RAPGEF2: variants seen among roughly 807,000 people sequenced by gnomAD.
RAPGEF2 encodes the protein PDZ domain containing guanine nucleotide exchange factor (GEF) 1.
In RAPGEF2, 54 loss-of-function variants were observed where a neutral mutation model predicts 186.7. The observed-to-expected ratio is 0.29, with a 90% CI of 0.23 to 0.36. The LOEUF is 0.36. Among genes scored for constraint, RAPGEF2 ranks in the 10% least tolerant of loss-of-function variants. The pLI, the probability that RAPGEF2 is intolerant of heterozygous loss-of-function variation, is 1.00. For missense variants in RAPGEF2, 1,532 were observed against 2,045.0 expected (o/e 0.75, Z 4.84); for synonymous variants, 712 against 705.9 (o/e 1.01, Z -0.14).
At chr4:159,320,783 C>G (rs1051266189) in intron 9 of RAPGEF2, among the ~76,000 whole-genome samples, 1 of 151,408 alleles carries the variant, frequency 6.6e-6, no homozygotes, top group Non-Finnish European at 1.5e-5. Context: ...TAAACTATAT[C>G]CAAGAACATA....
At chr4:159,231,176 T>G (rs927789660) in intron 4 of RAPGEF2, among the ~76,000 whole-genome samples, 1 of 152,120 alleles carries the variant, frequency 6.6e-6, no homozygotes, top group Non-Finnish European at 1.5e-5. Context: ...GTAACATTCT[T>G]TATGGGTTTG....
intron 7 of RAPGEF2, among the ~76,000 whole-genome samples, chr4:159,248,428 A>C (rs1459705995): frequency 6.6e-6 from 1 of 152,182 alleles, no homozygotes; most frequent in Non-Finnish European, 1.5e-5. Flanking sequence ...TGGTGTCAAA[A>C]GTATCCTTTG....
chr4:159,139,339 C>T (rs62337446), intron 1 of RAPGEF2, among the ~76,000 whole-genome samples: 55,671 of 151,998 alleles, frequency 0.37, 10,243 homozygotes, highest in African/African-American at 0.38. Context: ...TAAGTGTTTC[C>T]ATTAAAAGGA....
intron 1 of RAPGEF2, among the ~76,000 whole-genome samples, chr4:159,177,402 A>G (rs891501420): frequency 2.0e-5 from 3 of 152,282 alleles, no homozygotes; most frequent in Non-Finnish European, 4.4e-5. Context: ...TTGCCATGAA[A>G]CTATCAGTAC....
rs370973794 is a variant in RAPGEF2 at position 159,298,341 on chromosome 4, G to T, written c.544-6001G>T. Reference sequence around the variant, plus strand: ...TATGAAGACTTCAAGGATGGGTGTTGTATCTAGGGTATATATAAAGGGGTT... The same window carrying T: ...TATGAAGACTTCAAGGATGGGTGTTTTATCTAGGGTATATATAAAGGGGTT... On this transcript the variant is annotated intron_variant, in intron 7 of 29. Coordinates refer to ENST00000691494, the MANE Select transcript of RAPGEF2 (RefSeq NM_001394067.2). 4.6e-5 allele frequency among the ~76,000 whole-genome samples: 7 copies of T among 152,242 alleles called. No individual in the cohort carries two copies. In the East Asian group the frequency reaches 9.7e-4, roughly 21 times the overall value.
chr4:159,358,082 T>G (rs1164439295), intron 29 of RAPGEF2, 32 bp from the exon 30 acceptor site: 1 of 1,607,212 alleles, frequency 6.2e-7, no homozygotes, highest in African/African-American at 1.3e-5. Context: ...GCTTGCTCAT[T>G]GATTTCTTTT....
intron 25 of RAPGEF2, 67 bp from the exon 26 acceptor site, chr4:159,350,070 A>G: frequency 9.4e-6 from 11 of 1,167,652 alleles, no homozygotes; most frequent in Non-Finnish European, 1.3e-5. Context: ...AAAGTTTTTT[A>G]TTCATAAATG....
intron 4 of RAPGEF2, among the ~76,000 whole-genome samples, chr4:159,223,057 G>T (rs1222688815): frequency 6.6e-6 from 1 of 151,840 alleles, no homozygotes; most frequent in Non-Finnish European, 1.5e-5. Flanking sequence ...TAATAGTGAA[G>T]GAATAGCTTA....
At chr4:159,290,813 G>A (rs768922980) in intron 7 of RAPGEF2, among the ~76,000 whole-genome samples, 1 of 152,012 alleles carries the variant, frequency 6.6e-6, no homozygotes, top group African/African-American at 2.4e-5. Flanking sequence ...CAGTTTATGA[G>A]TATATATTCC....
At chr4:159,137,719 A>AAAC (rs1257182052) in intron 1 of RAPGEF2, among the ~76,000 whole-genome samples, 1 of 151,734 alleles carries the variant, frequency 6.6e-6, no homozygotes, top group Non-Finnish European at 1.5e-5. Context: ...CAAAAAAAAA[A>AAAC]AAAAAAACCT....
intron 1 of RAPGEF2, among the ~76,000 whole-genome samples, chr4:159,177,766 T>A (rs1219979639): frequency 1.3e-5 from 2 of 152,352 alleles, no homozygotes; most frequent in East Asian, 3.9e-4. Context: ...AGATGTGAAT[T>A]TGAGCATTGG....
In RAPGEF2 at chr4:159,353,915, G is replaced by A; in HGVS notation, c.4520G>A (p.Arg1507Gln). 2 of 1,614,200 alleles carry A rather than the reference G, an allele frequency of 1.2e-6. No individual in the cohort carries two copies. The highest frequency in any genetic ancestry group is 1.7e-6 in the Non-Finnish European group (2 of 1,180,034). The part of the protein sequence containing the change: ...DSEGDTGTIK[R>Q]RGGKDVSIEA... Reference sequence around the variant, plus strand: ...GAAGGTGACACAGGCACAATAAAGCGGAGGGGTGGAAAGGATGTTTCCATT... The same window carrying A: ...GAAGGTGACACAGGCACAATAAAGCAGAGGGGTGGAAAGGATGTTTCCATT... Residue 1507 changes from arginine to glutamine, a missense_variant, in exon 28 of 30, where the codon CGG (arginine) becomes CAG (glutamine). Around this residue, in one of 4 missense-constraint regions of RAPGEF2, gnomAD observed 594 missense variants for 608.5 expected, o/e 0.98. Coordinates refer to ENST00000691494, the MANE Select transcript of RAPGEF2 (RefSeq NM_001394067.2). The surrounding 1 kb of genome is among the most constrained non-coding windows in gnomAD (Gnocchi z 4.3).
chr4:159,233,061 T>C (rs916071017), intron 4 of RAPGEF2, among the ~76,000 whole-genome samples: 5 of 152,240 alleles, frequency 3.3e-5, no homozygotes, highest in Non-Finnish European at 7.3e-5. Context: ...ATATTGAATC[T>C]TTATCAGATA....
intron 7 of RAPGEF2, among the ~76,000 whole-genome samples, chr4:159,301,460 T>TAC (rs1011054038): frequency 1.3e-5 from 2 of 152,238 alleles, no homozygotes; most frequent in Admixed American, 6.5e-5. Context: ...CATCTATTCT[T>TAC]ACATATCTCA....
intron 17 of RAPGEF2, 44 bp from the exon 18 acceptor site, chr4:159,338,267 C>T (rs1324079404): frequency 1.2e-5 from 18 of 1,562,808 alleles, no homozygotes; most frequent in Middle Eastern, 1.7e-4. Flanking sequence ...TGATGTACAA[C>T]TTTTTAACTT....
intron 1 of RAPGEF2, among the ~76,000 whole-genome samples, chr4:159,138,010 T>C (rs2111154157): frequency 6.6e-6 from 1 of 152,324 alleles, no homozygotes; most frequent in African/African-American, 2.4e-5. Context: ...ATTATTAATT[T>C]TCATGGTATA....
At chr4:159,145,622 A>G (rs1742882153) in intron 1 of RAPGEF2, among the ~76,000 whole-genome samples, 1 of 152,212 alleles carries the variant, frequency 6.6e-6, no homozygotes, top group African/African-American at 2.4e-5. Flanking sequence ...ATCCTGACGT[A>G]TGTTCACCAG....
intron 7 of RAPGEF2, among the ~76,000 whole-genome samples, chr4:159,292,237 C>T (rs1285361464): frequency 2.0e-5 from 3 of 152,130 alleles, no homozygotes; most frequent in African/African-American, 7.2e-5. Context: ...TGCCCCAATC[C>T]CTCTCCTTGT....
chr4:159,173,309 G>A lies in RAPGEF2; in HGVS notation c.70-13333G>A, dbSNP rs138317793. ...ACTGGTGTCCTCAGTGACCTATTCC[G>A]CTTTGCTTTTATTAAGACTATCTAA... On this transcript the variant is annotated intron_variant, in intron 1 of 29. Transcript: ENST00000691494. Among the ~76,000 whole-genome samples the A allele has an allele frequency of 2.0e-3, 305 of 152,158 alleles. 2 individuals are homozygous for A. Among genetic ancestry groups the A allele is most frequent in the East Asian group, 0.017 (89 of 5,178 alleles).
Sources: allele counts gnomAD v4.1 joint callset (sites outside exome capture counted in the v4.1 genomes callset), GRCh38; gene constraint gnomAD v4.1.1; regional missense constraint gnomAD v4.1.1; non-coding constraint Gnocchi (gnomAD v3.1); transcripts MANE v1.5; gene names NCBI Gene and HGNC (gene_info 2026-07-23, HGNC 2026-07-21).